FSTL5: variants seen among roughly 807,000 people sequenced by gnomAD.
FSTL5 encodes follistatin-related protein 5.
In FSTL5, 62 loss-of-function variants were observed where a neutral mutation model predicts 89.1. The ratio of observed to expected loss-of-function variants is 0.70; its 90% CI spans 0.57 to 0.86. The LOEUF (loss-of-function observed/expected upper bound fraction) is 0.86. Ranked by LOEUF, FSTL5 falls within the 40% of genes least tolerant of loss-of-function variation. The pLI is 0.00. For missense variants in FSTL5, 1,057 were observed against 1,001.6 expected, an observed-to-expected ratio of 1.06 and a Z score of -0.75; for synonymous variants, 383 against 346.2, an observed-to-expected ratio of 1.11 and a Z score of -1.18.
chr4:161,951,583 T>C (rs1219894204), intron 3 of FSTL5, among the ~76,000 whole-genome samples: 2 of 152,124 alleles, frequency 1.3e-5, no homozygotes, highest in Non-Finnish European at 2.9e-5. Context: ...TATGTAATGC[T>C]TGATACTACA....
Position 162,007,615 on chromosome 4 carries a change from T to C in FSTL5, c.160+26010A>G, listed in dbSNP as rs185202742. On this transcript the variant is annotated intron_variant, in intron 3 of 15. Coordinates refer to ENST00000306100, the MANE Select transcript of FSTL5 (RefSeq NM_020116.5). The stretch of plus-strand genomic sequence containing the variant: ...GCACCTGGAACACAATATTTCATCA[T>C]ATCCAACTTATTAAAAAAAAAGCAT... Among the ~76,000 whole-genome samples the C allele has an allele frequency of 1.7e-3, 250 of 150,154 alleles. 1 individual carries two copies. Among genetic ancestry groups the C allele is most frequent in the African/African-American group, 5.6e-3 (231 of 41,334 alleles).
At chr4:161,958,114 C>T (rs1735074170) in intron 3 of FSTL5, among the ~76,000 whole-genome samples, 1 of 151,898 alleles carries the variant, frequency 6.6e-6, no homozygotes, top group Non-Finnish European at 1.5e-5. Context: ...GTCTGATCTG[C>T]TGTTTATTCT....
intron 6 of FSTL5, 41 bp downstream of exon 6, chr4:161,759,370 A>G (rs751768117): frequency 6.4e-7 from 1 of 1,559,866 alleles, no homozygotes; most frequent in Non-Finnish European, 8.6e-7. Context: ...AGCAACAGGA[A>G]AAAGAACAAA....
chr4:161,420,405 G>A (rs1168702806), intron 15 of FSTL5, among the ~76,000 whole-genome samples: 1 of 152,160 alleles, frequency 6.6e-6, no homozygotes, highest in East Asian at 1.9e-4. Flanking sequence ...GTGTGTCAGT[G>A]TGTGTGTATG....
chr4:161,440,193 A>G (rs1732712044), intron 15 of FSTL5, among the ~76,000 whole-genome samples: 1 of 152,148 alleles, frequency 6.6e-6, no homozygotes, highest in Non-Finnish European at 1.5e-5. Flanking sequence ...ACAAATCATC[A>G]TTAAACATGT....
At chr4:161,668,331 A>G (rs961575470) in intron 6 of FSTL5, among the ~76,000 whole-genome samples, 1 of 152,196 alleles carries the variant, frequency 6.6e-6, no homozygotes, top group Non-Finnish European at 1.5e-5. Flanking sequence ...AGAAACAGGC[A>G]ATCTGAATAG....
rs531325320 is a variant in FSTL5 at position 161,641,717 on chromosome 4, C to T, written c.894+14611G>A. ...GTGTTAGCCAGGATGGTCTCGATCT[C>T]CTGACCTCGTTATCTGCCCGCCTTG... is the stretch of plus-strand genomic sequence containing the variant. On this transcript the variant is annotated intron_variant, in intron 7 of 15. Coordinates refer to ENST00000306100, the MANE Select transcript of FSTL5 (RefSeq NM_020116.5). Among the ~76,000 whole-genome samples, 13 of 152,106 alleles carry T rather than the reference C, an allele frequency of 8.5e-5. No individual in the cohort carries two copies. The South Asian group carries it at 2.5e-3, about 29-fold the overall frequency.
At chr4:161,774,344 A>T (rs2126802736) in intron 5 of FSTL5, among the ~76,000 whole-genome samples, 1 of 152,286 alleles carries the variant, frequency 6.6e-6, no homozygotes, top group Non-Finnish European at 1.5e-5. Context: ...GGCCCTGTCA[A>T]CACCACAATT....
intron 7 of FSTL5, among the ~76,000 whole-genome samples, chr4:161,617,021 G>C (rs1255323841): frequency 6.6e-6 from 1 of 151,318 alleles, no homozygotes; most frequent in Non-Finnish European, 1.5e-5. Flanking sequence ...CTTAACTTTT[G>C]ATGATTTAGC....
rs903801945 is a variant in FSTL5 at position 161,518,357 on chromosome 4, T to G, written c.1313-7933A>C. Among the ~76,000 whole-genome samples the G allele has an allele frequency of 2.6e-5, 4 of 152,226 alleles. No homozygotes were observed. In the South Asian group the frequency reaches 8.3e-4, roughly 32 times the overall value. Reference sequence around the variant, plus strand: ...AGCAGAGATCAGAGAGAACAGGAGCTTTAAGGATGCATAGCAAAAGGCACG... The same window carrying G: ...AGCAGAGATCAGAGAGAACAGGAGCGTTAAGGATGCATAGCAAAAGGCACG... On this transcript the variant is annotated intron_variant, in intron 10 of 15. Coordinates refer to ENST00000306100, the MANE Select transcript of FSTL5 (RefSeq NM_020116.5).
chr4:162,031,692 C>A (rs1020305175), intron 3 of FSTL5, among the ~76,000 whole-genome samples: 3 of 152,124 alleles, frequency 2.0e-5, no homozygotes, highest in Non-Finnish European at 4.4e-5. Context: ...AATCCCAGCA[C>A]TTTAGGAGGC....
chr4:161,908,573 A>G (rs1169678026), intron 4 of FSTL5, among the ~76,000 whole-genome samples: 5 of 152,124 alleles, frequency 3.3e-5, no homozygotes, highest in Non-Finnish European at 4.4e-5. Context: ...GAAAAAATTC[A>G]TTAAAAATAT....
At chr4:161,493,378 T>A (rs1560922100) in intron 12 of FSTL5, among the ~76,000 whole-genome samples, 1 of 151,714 alleles carries the variant, frequency 6.6e-6, no homozygotes, top group Non-Finnish European at 1.5e-5. Flanking sequence ...ATGTAGCAAT[T>A]GATTGTATGA....
At chr4:161,476,628 T>G (rs1011847525) in intron 13 of FSTL5, among the ~76,000 whole-genome samples, 1 of 152,256 alleles carries the variant, frequency 6.6e-6, no homozygotes, top group African/African-American at 2.4e-5. Flanking sequence ...AACTGGTCAC[T>G]TTCTAATTTT....
intron 4 of FSTL5, among the ~76,000 whole-genome samples, chr4:161,860,104 C>T (rs543498716): frequency 6.6e-6 from 1 of 152,030 alleles, no homozygotes; most frequent in African/African-American, 2.4e-5. Flanking sequence ...CTGGCTAGCG[C>T]AGTGAAACCC....
At chr4:161,952,494 T>C (rs1281322803) in intron 3 of FSTL5, among the ~76,000 whole-genome samples, 1 of 151,950 alleles carries the variant, frequency 6.6e-6, no homozygotes, top group Non-Finnish European at 1.5e-5. Context: ...CTTCAAAATA[T>C]GTCTGAAATT....
chr4:161,552,044 C>T (rs1732235410), intron 8 of FSTL5, among the ~76,000 whole-genome samples: 1 of 151,956 alleles, frequency 6.6e-6, no homozygotes, highest in Admixed American at 6.6e-5. Flanking sequence ...TCAGAGTGAA[C>T]AGGCAACCTA....
chr4:161,675,577 T>A (rs917224981), intron 6 of FSTL5, among the ~76,000 whole-genome samples: 3 of 151,602 alleles, frequency 2.0e-5, no homozygotes, highest in Non-Finnish European at 4.4e-5. Flanking sequence ...TACTGTATTA[T>A]CATGAAAACA....
At chr4:161,728,987 C>T (rs1012260277) in intron 6 of FSTL5, among the ~76,000 whole-genome samples, 7 of 152,100 alleles carry the variant, frequency 4.6e-5, no homozygotes, top group Non-Finnish European at 8.8e-5. Flanking sequence ...CTCAAAAGCC[C>T]TGGAAATCCA....
Sources: allele counts gnomAD v4.1 joint callset (sites outside exome capture counted in the v4.1 genomes callset), GRCh38; gene constraint gnomAD v4.1.1; transcripts MANE v1.5; gene names NCBI Gene and HGNC (gene_info 2026-07-23, HGNC 2026-07-21).